The following ABCF3 variants were observed in gnomAD, a reference collection of about 807,000 sequenced individuals.
ABCF3 encodes ATP binding cassette subfamily F member 3, also known as ATP-binding cassette sub-family F member 3.
In ABCF3, 62 loss-of-function variants were observed where a neutral mutation model predicts 94.3. That is an observed-to-expected ratio of 0.66 (90% CI 0.54 to 0.81). The LOEUF (loss-of-function observed/expected upper bound fraction) is 0.81, where lower values mean the gene tolerates loss of function less well. Ranked by LOEUF, ABCF3 falls within the 40% of genes least tolerant of loss-of-function variation. The pLI is 0.00. For missense variants in ABCF3, 843 were observed against 925.3 expected, an observed-to-expected ratio of 0.91 and a Z score of 1.15; for synonymous variants, 355 against 361.1, an observed-to-expected ratio of 0.98 and a Z score of 0.19.
chr3:184,187,630 C>G, intron 4 of ABCF3, 34 bp from the exon 5 acceptor site: 2 of 1,612,160 alleles, frequency 1.2e-6, no homozygotes, highest in Non-Finnish European at 1.7e-6. Flanking sequence ...TGAGCCTACA[C>G]CCGAGAGTGA....
At position 184,193,418 on chromosome 3, in the gene ABCF3, T is replaced by A. The variant is rs768800066; in HGVS notation, c.1937T>A (p.Ile646Asn). The change falls in exon 20 of 21, where the codon ATT (isoleucine) becomes AAT (asparagine). Residue 646 changes from isoleucine (I) to asparagine (N), a missense_variant. Transcript: ENST00000429586. This position sits in a 1 kb window ranked among gnomAD's most constrained non-coding sequence, Gnocchi z 5.2. ...ACAAACCACCTGGACATGGAGACCATTGAGGCTCTGGGCCGTGCCCTCAAC... is the reference window on the plus strand; with the variant it reads ...ACAAACCACCTGGACATGGAGACCAATGAGGCTCTGGGCCGTGCCCTCAAC... ...EPTNHLDMETIEALGRALNNF... is the reference protein window; with the variant it reads ...EPTNHLDMETNEALGRALNNF... 1.2e-6 allele frequency: 2 copies of A among 1,614,042 alleles called. No homozygotes were observed. The highest frequency in any genetic ancestry group is 1.7e-6 in the Non-Finnish European group (2 of 1,180,034).
At chr3:184,186,909 C>G (rs1446086038) in intron 3 of ABCF3, 34 bp downstream of exon 3, 11 of 1,596,098 alleles carry the variant, frequency 6.9e-6, no homozygotes, top group African/African-American at 1.3e-5. Flanking sequence ...TAACTGCCCC[C>G]CTGTGCTTTT....
Position 184,189,844 on chromosome 3 carries a change from T to A in ABCF3, c.1315-11T>A, listed in dbSNP as rs1228379971. Reference sequence around the variant, plus strand: ...GGAATTTGACCAATGCCTACACTCCTCCACCTGCAGGTTTTCATTGACCGG... The same window carrying A: ...GGAATTTGACCAATGCCTACACTCCACCACCTGCAGGTTTTCATTGACCGG... On this transcript the variant is annotated splice_polypyrimidine_tract_variant and intron_variant, in intron 13 of 20. Transcript: ENST00000429586. 1 of 1,614,204 alleles carries A rather than the reference T, an allele frequency of 6.2e-7. No homozygotes were observed. Among genetic ancestry groups the A allele is most frequent in the Admixed American group, 1.7e-5 (1 of 60,028 alleles).
chr3:184,193,485 A>C lies in ABCF3; in HGVS notation c.1971+33A>C. On this transcript the variant is annotated intron_variant, in intron 20 of 20. Coordinates refer to ENST00000429586, the MANE Select transcript of ABCF3 (RefSeq NM_018358.3). The surrounding 1 kb of genome is among the most constrained non-coding windows in gnomAD (Gnocchi z 5.2). ...TGCCTTCACCCTGACCACTCCTCCCAGGCCTCGGTGCCTCTTGTGTCCCCC... is the reference window on the plus strand; with the variant it reads ...TGCCTTCACCCTGACCACTCCTCCCCGGCCTCGGTGCCTCTTGTGTCCCCC... The C allele has an allele frequency of 6.2e-7, 1 of 1,613,982 alleles. No homozygotes were observed. Among genetic ancestry groups the C allele is most frequent in the Non-Finnish European group, 8.5e-7 (1 of 1,179,968 alleles).
At position 184,193,648 on chromosome 3, in the gene ABCF3, C is replaced by G. The variant is rs1156961244; in HGVS notation, c.2080C>G (p.Gln694Glu). The change falls in exon 21 of 21, where the codon CAG becomes GAG. Residue 694 changes from glutamine (Q) to glutamate (E), a missense_variant. Coordinates refer to ENST00000429586, the MANE Select transcript of ABCF3 (RefSeq NM_018358.3). The surrounding 1 kb of genome is among the most constrained non-coding windows in gnomAD (Gnocchi z 5.2). Reference sequence around the variant, plus strand: ...CACCCGTGTGGAAGGAGGATTTGACCAGTACCGCGCCCTCCTCCAGGAACA... The same window carrying G: ...CACCCGTGTGGAAGGAGGATTTGACGAGTACCGCGCCCTCCTCCAGGAACA... ...GVTRVEGGFD[Q>E]YRALLQEQFR... The G allele has an allele frequency of 6.2e-7, 1 of 1,614,086 alleles. No homozygotes were observed. The highest frequency in any genetic ancestry group is 1.1e-5 in the South Asian group (1 of 91,080).
In ABCF3 at chr3:184,186,223, G is replaced by C; in HGVS notation, c.16G>C (p.Glu6Gln). 6.2e-7 allele frequency: 1 copy of C among 1,614,198 alleles called. No individual in the cohort carries two copies. The highest frequency in any genetic ancestry group is 8.5e-7 in the Non-Finnish European group (1 of 1,180,034). Residue 6 changes from glutamate (E) to glutamine (Q), a missense_variant, in exon 1 of 21, where the codon GAA (glutamate) becomes CAA (glutamine). Transcript: ENST00000429586. Reference sequence around the variant, plus strand: ...TGAGTGGAACATGGCGACTTGCGCCGAAATCCTGCGGAGCGAGTTCCCCGA... The same window carrying C: ...TGAGTGGAACATGGCGACTTGCGCCCAAATCCTGCGGAGCGAGTTCCCCGA... MATCAEILRSEFPEID... is the reference protein window; with the variant it reads MATCAQILRSEFPEID...
intron 16 of ABCF3, among the ~76,000 whole-genome samples, chr3:184,192,286 C>T (rs1716075114): frequency 6.6e-6 from 1 of 152,176 alleles, no homozygotes; most frequent in African/African-American, 2.4e-5. Context: ...ATGTTGGGAA[C>T]ATTCAGAATC....
chr3:184,192,967 G>A, intron 18 of ABCF3, 71 bp downstream of exon 18: 1 of 1,591,254 alleles, frequency 6.3e-7, no homozygotes, highest in Non-Finnish European at 8.6e-7. Flanking sequence ...CCGGCAGCTA[G>A]GCCTGCCTTG....
Position 184,193,333 on chromosome 3 carries a change from TC to T in ABCF3, c.1884-31del, listed in dbSNP as rs770406428. 1.1e-5 allele frequency: 17 copies of T among 1,613,942 alleles called. 1 individual carries two copies. The highest frequency in any genetic ancestry group is 8.5e-7 in the Non-Finnish European group (1 of 1,179,970). On this transcript the variant is annotated intron_variant, in intron 19 of 20. Transcript: ENST00000429586. This position sits in a 1 kb window ranked among gnomAD's most constrained non-coding sequence, Gnocchi z 5.2. ...CTTTATTTTCTCTCACCGCACCCCT[TC>T]ACTGCCCACCTTCCTGGTTCTGCCT...
At chr3:184,190,725 C>G (rs936101292) in intron 14 of ABCF3, 1 of 382,042 alleles carries the variant, frequency 2.6e-6, no homozygotes, top group African/African-American at 2.1e-5. Context: ...TTGAAGTGCC[C>G]TTTCTATAAG....
chr3:184,190,978 C>A, intron 14 of ABCF3, 21 bp from the exon 15 acceptor site: 1 of 1,613,630 alleles, frequency 6.2e-7, no homozygotes, highest in Non-Finnish European at 8.5e-7. Flanking sequence ...TAAATCTAGT[C>A]TACCTCATCT....
At chr3:184,191,277 G>GCTGCGAGCTGGGACTCTCCTGT in intron 16 of ABCF3, 22 bp downstream of exon 16, 1 of 1,613,166 alleles carries the variant, frequency 6.2e-7, no homozygotes, top group Non-Finnish European at 8.5e-7. Flanking sequence ...GTTTCTCTGT[G>GCTGCGAGCTGGGACTCTCCTGT]CTGCGAGCTG....
chr3:184,188,988 G>A lies in ABCF3; in HGVS notation c.977G>A (p.Arg326Gln), dbSNP rs374622062. 22 of 1,614,088 alleles carry A rather than the reference G, an allele frequency of 1.4e-5. 1 individual carries two copies. Among genetic ancestry groups the A allele is most frequent in the Middle Eastern group, 3.3e-4 (2 of 6,084 alleles). ...CCTAAAATGCAGCAGCAGCCCACCC[G>A]GTGAGTGACCCTTGCCATTCTTGGC... The part of the protein sequence containing the change: ...FTPKMQQQPT[R>Q]EFSGGWRMRL... Residue 326 changes from arginine to glutamine, a missense_variant and splice_region_variant, in exon 9 of 21, where the codon CGG (arginine) becomes CAG (glutamine). Coordinates refer to ENST00000429586, the MANE Select transcript of ABCF3 (RefSeq NM_018358.3).
At chr3:184,191,754 T>TTTTTTTTTTCGGAGAC (rs1716042491) in intron 16 of ABCF3, among the ~76,000 whole-genome samples, 1 of 147,480 alleles carries the variant, frequency 6.8e-6, no homozygotes, top group Admixed American at 6.7e-5. Flanking sequence ...AGTTCCTTTT[T>TTTTTTTTTTCGGAGAC]TTTTTTTTTC....
intron 3 of ABCF3, 177 bp from the exon 4 acceptor site, chr3:184,187,220 T>G: frequency 1.4e-6 from 1 of 692,482 alleles, no homozygotes; most frequent in Non-Finnish European, 2.5e-6. Flanking sequence ...CTACGTGAGT[T>G]TTGTTTTGTT....
intron 6 of ABCF3, 64 bp from the exon 7 acceptor site, chr3:184,188,077 G>T: frequency 6.2e-7 from 1 of 1,610,970 alleles, no homozygotes; most frequent in Non-Finnish European, 8.5e-7. Context: ...TGTTAGGTTT[G>T]TCATTAAACT....
intron 7 of ABCF3, 106 bp downstream of exon 7, chr3:184,188,513 A>G: frequency 6.9e-7 from 1 of 1,444,630 alleles, no homozygotes; most frequent in South Asian, 1.3e-5. Context: ...TAATCAGCAG[A>G]GCTTAGAACT....
chr3:184,186,395 C>A (rs1715620123), intron 1 of ABCF3, 112 bp from the exon 2 acceptor site: 1 of 1,583,500 alleles, frequency 6.3e-7, no homozygotes, highest in South Asian at 1.1e-5. Flanking sequence ...GACCTCTTGT[C>A]CCGGGGGCTG....
rs769949338 is a variant in ABCF3, at chr3:184,187,918, A to G, written c.504A>G (p.Glu168=). Residue 168 remains glutamate, a synonymous_variant, in exon 6 of 21, where the codon GAA becomes GAG. Transcript: ENST00000429586. ...QAGSRKESRL[E]SSGKNKSYDV... ...GCAGCAGAAAGGAGAGTCGGTTGGAATCATCTGGCAAGAACAAATCCTATG... is the reference window on the plus strand; with the variant it reads ...GCAGCAGAAAGGAGAGTCGGTTGGAGTCATCTGGCAAGAACAAATCCTATG... The G allele has an allele frequency of 1.9e-6, 3 of 1,614,062 alleles. No homozygotes were observed. Among genetic ancestry groups the G allele is most frequent in the South Asian group, 1.1e-5 (1 of 91,092 alleles).
Sources: gnomAD v4.1 joint callset for allele counts (sites outside exome capture counted in the v4.1 genomes callset) on GRCh38, gnomAD v4.1.1 for gene constraint, Gnocchi (gnomAD v3.1) non-coding constraint, MANE v1.5 for transcripts, NCBI Gene and HGNC (gene_info 2026-07-23, HGNC 2026-07-21) for gene names.